Variants in TMEM163 observed in about 807,000 individuals in gnomAD.
The protein encoded by TMEM163 is transmembrane protein 163.
Under a neutral mutation model 29.3 loss-of-function variants are expected in TMEM163, and 17 were observed. The observed-to-expected ratio is 0.58, with a 90% CI of 0.40 to 0.87. The LOEUF is 0.87. Ranked by LOEUF, TMEM163 falls within the 40% of genes least tolerant of loss-of-function variation. The probability of loss-of-function intolerance (pLI) is 0.00; values close to 1 mark genes in which losing one functional copy is unlikely to be tolerated. For synonymous variants in TMEM163, 157 were observed against 160.6 expected (o/e 0.98, Z 0.17); for missense variants, 303 against 381.5 (o/e 0.79, Z 1.71).
At chr2:134,616,752 G>A (rs564001310) in intron 2 of TMEM163, among the ~76,000 whole-genome samples, 6 of 152,274 alleles carry the variant, frequency 3.9e-5, no homozygotes, top group Admixed American at 1.3e-4. Flanking sequence ...AGTTATATAA[G>A]ATGTTAACAT....
At chr2:134,488,522 G>A (rs112566122) in intron 5 of TMEM163, among the ~76,000 whole-genome samples, 4,916 of 152,210 alleles carry the variant, frequency 0.032, 281 homozygotes, top group African/African-American at 0.11. Flanking sequence ...TCAGGTCTTC[G>A]GCCACAGACT....
intron 3 of TMEM163, among the ~76,000 whole-genome samples, chr2:134,551,588 A>C (rs897700430): frequency 6.6e-6 from 1 of 152,184 alleles, no homozygotes; most frequent in Admixed American, 6.5e-5. Flanking sequence ...TAGCCTGTGA[A>C]GCAGAGACCC....
chr2:134,538,036 T>G (rs1056937797), intron 4 of TMEM163, among the ~76,000 whole-genome samples: 4 of 152,254 alleles, frequency 2.6e-5, no homozygotes, highest in Admixed American at 6.5e-5. Context: ...ATTGCCACTT[T>G]GGAAAACGTT....
chr2:134,555,954 G>T (rs536336665), intron 2 of TMEM163, among the ~76,000 whole-genome samples: 32 of 152,258 alleles, frequency 2.1e-4, no homozygotes, highest in African/African-American at 7.5e-4. Context: ...CAGAGTTAAT[G>T]ATTCAAAAAT....
chr2:134,593,016 T>C (rs75895989), intron 2 of TMEM163, among the ~76,000 whole-genome samples: 201 of 152,312 alleles, frequency 1.3e-3, no homozygotes, highest in African/African-American at 4.7e-3. Flanking sequence ...TCCAGGAGCT[T>C]CTGTTTTATT....
chr2:134,485,409 G>A (rs1056346467), intron 5 of TMEM163, among the ~76,000 whole-genome samples: 2 of 152,136 alleles, frequency 1.3e-5, no homozygotes, highest in East Asian at 3.9e-4. Flanking sequence ...AATCCTAAGC[G>A]GAACCATCGT....
At chr2:134,632,973 T>C (rs1046688505) in intron 2 of TMEM163, among the ~76,000 whole-genome samples, 4 of 149,390 alleles carry the variant, frequency 2.7e-5, no homozygotes, top group Middle Eastern at 3.5e-3. Flanking sequence ...TTAGCCGGGA[T>C]GGTCTCGATC....
At position 134,456,713 on chromosome 2, in the gene TMEM163, C is replaced by G; in HGVS notation, c.*3G>C. 2 of 1,614,014 alleles carry G rather than the reference C, an allele frequency of 1.2e-6. No homozygotes were observed. The highest frequency in any genetic ancestry group is 1.7e-6 in the Non-Finnish European group (2 of 1,179,990). On this transcript the variant is annotated 3_prime_UTR_variant, in exon 8 of 8. Transcript: ENST00000281924. ...GATGGTCTCATGCGGATGCTGGCCCCCTTCACTCAAACATCTCGTAGTGAC... is the reference window on the plus strand; with the variant it reads ...GATGGTCTCATGCGGATGCTGGCCCGCTTCACTCAAACATCTCGTAGTGAC...
intron 4 of TMEM163, among the ~76,000 whole-genome samples, chr2:134,516,424 G>A: frequency 6.6e-6 from 1 of 151,810 alleles, no homozygotes; most frequent in Admixed American, 6.6e-5. Flanking sequence ...AGTGAGGCGT[G>A]GTGGTGGGTG....
At chr2:134,517,586 C>T (rs1426328014) in intron 4 of TMEM163, among the ~76,000 whole-genome samples, 1 of 152,116 alleles carries the variant, frequency 6.6e-6, no homozygotes, top group Non-Finnish European at 1.5e-5. Flanking sequence ...AGCAATATTG[C>T]TGGATTCACT....
chr2:134,498,975 C>A (rs1679642911), intron 5 of TMEM163, among the ~76,000 whole-genome samples: 1 of 152,220 alleles, frequency 6.6e-6, no homozygotes. Context: ...TCAGGAAGAT[C>A]ACTTCAGCTT....
chr2:134,563,779 G>T (rs1321820314), intron 2 of TMEM163, among the ~76,000 whole-genome samples: 2 of 152,160 alleles, frequency 1.3e-5, no homozygotes, highest in Admixed American at 6.5e-5. Flanking sequence ...GACAGGCCAG[G>T]CACGGTGGCT....
intron 2 of TMEM163, among the ~76,000 whole-genome samples, chr2:134,588,580 G>A (rs75687368): frequency 0.016 from 2,380 of 152,226 alleles, 54 homozygotes; most frequent in African/African-American, 0.054. Flanking sequence ...CATGTGCCTT[G>A]AGACTCTCTC....
At position 134,470,807 on chromosome 2, in the gene TMEM163, C is replaced by T. The variant is rs543976228; in HGVS notation, c.556-4582G>A. On this transcript the variant is annotated intron_variant, in intron 5 of 7. Coordinates refer to ENST00000281924, the MANE Select transcript of TMEM163 (RefSeq NM_030923.5). ...TCCTGCGGTGCACGTGCTCCTCTCT[C>T]CACACGGCTGCCATGTTGACTGTTG... is the stretch of plus-strand genomic sequence containing the variant. Among the ~76,000 whole-genome samples, 4 of 152,346 alleles carry T rather than the reference C, an allele frequency of 2.6e-5. No homozygotes were observed. The South Asian group carries it at 8.3e-4, about 32-fold the overall frequency.
intron 2 of TMEM163, among the ~76,000 whole-genome samples, chr2:134,658,020 C>T (rs72970180): frequency 0.15 from 22,116 of 151,916 alleles, 2,323 homozygotes; most frequent in African/African-American, 0.3. Flanking sequence ...AAAAAAAAGA[C>T]AAATAAATAA....
chr2:134,603,025 G>A (rs1285554530), intron 2 of TMEM163, among the ~76,000 whole-genome samples: 4 of 152,060 alleles, frequency 2.6e-5, no homozygotes, highest in Non-Finnish European at 2.9e-5. Context: ...TCCAACACAG[G>A]ACTGATCTCA....
At chr2:134,500,521 G>A (rs1167741858) in intron 5 of TMEM163, among the ~76,000 whole-genome samples, 1 of 152,156 alleles carries the variant, frequency 6.6e-6, no homozygotes, top group Non-Finnish European at 1.5e-5. Context: ...ATCTGGCATC[G>A]CTTCTTCAGA....
intron 2 of TMEM163, among the ~76,000 whole-genome samples, chr2:134,690,843 A>G (rs1302846813): frequency 6.6e-6 from 1 of 152,222 alleles, no homozygotes; most frequent in Non-Finnish European, 1.5e-5. Context: ...CAAAATGCAA[A>G]TATCAGTGAA....
At chr2:134,525,098 A>C (rs1189358014) in intron 4 of TMEM163, among the ~76,000 whole-genome samples, 2 of 152,194 alleles carry the variant, frequency 1.3e-5, no homozygotes, top group Non-Finnish European at 2.9e-5. Flanking sequence ...TGTGGTTTTA[A>C]TTTAATGCAA....
Sources: gnomAD v4.1 joint callset for allele counts (sites outside exome capture counted in the v4.1 genomes callset) on GRCh38, gnomAD v4.1.1 for gene constraint, MANE v1.5 for transcripts, NCBI Gene and HGNC (gene_info 2026-07-23, HGNC 2026-07-21) for gene names.